Variants in WDR48 observed in about 807,000 individuals in gnomAD.
The protein encoded by WDR48 is WD repeat-containing protein 48.
Under a neutral mutation model 94.0 loss-of-function variants are expected in WDR48, and 22 were observed. That is an observed-to-expected ratio of 0.23 (90% confidence interval 0.17 to 0.33). The LOEUF (loss-of-function observed/expected upper bound fraction) is 0.33. Ranked by LOEUF, WDR48 falls within the 10% of genes least tolerant of loss-of-function variation. The pLI is 1.00. For missense variants in WDR48, 541 were observed against 813.8 expected (o/e 0.66, Z 4.08); for synonymous variants, 278 against 280.5 (o/e 0.99, Z 0.09).
intron 2 of WDR48, among the ~76,000 whole-genome samples, chr3:39,063,592 T>C (rs2033410279): frequency 6.6e-6 from 1 of 152,208 alleles, no homozygotes; most frequent in African/African-American, 2.4e-5. Context: ...AAATATTTTA[T>C]TTTCCTCACT....
intron 14 of WDR48, among the ~76,000 whole-genome samples, chr3:39,085,854 C>CTATATT (rs3033299): frequency 0.46 from 69,676 of 151,502 alleles, 20,045 homozygotes; most frequent in African/African-American, 0.82. Flanking sequence ...ATAAAATACT[C>CTATATT]TATATTCAGA....
chr3:39,074,902 C>A lies in WDR48; in HGVS notation c.849C>A (p.Asn283Lys). 20 of 1,614,220 alleles carry A rather than the reference C, an allele frequency of 1.2e-5. No homozygotes were observed. The highest frequency in any genetic ancestry group is 1.7e-5 in the Non-Finnish European group (20 of 1,180,042). ...DRKIYCTDLR[N>K]PDIRVLICEE... is the part of the protein sequence containing the mutation. ...AGATTTATTGTACAGACCTAAGAAA[C>A]CCTGACATTCGGGTGCTAATTTGTG... is the stretch of plus-strand genomic sequence containing the variant. The change falls in exon 8 of 19, where the codon AAC (asparagine) becomes AAA (lysine). Residue 283 changes from asparagine to lysine, a missense_variant. This residue lies in a region of WDR48 where 238 missense variants were observed against 285.3 expected (regional missense o/e 0.83). Transcript: ENST00000302313.
At chr3:39,058,616 T>C (rs902811445) in intron 1 of WDR48, among the ~76,000 whole-genome samples, 5 of 152,164 alleles carry the variant, frequency 3.3e-5, no homozygotes, top group Non-Finnish European at 7.4e-5. Flanking sequence ...GAAGTTGACA[T>C]TGAAGCTAGC....
At chr3:39,084,394 C>T in intron 12 of WDR48, 132 bp downstream of exon 12, 1 of 619,992 alleles carries the variant, frequency 1.6e-6, no homozygotes, top group East Asian at 3.4e-5. Flanking sequence ...ACTTAAAATG[C>T]AAAATGGAAT....
At chr3:39,057,918 C>G (rs1400421720) in intron 1 of WDR48, among the ~76,000 whole-genome samples, 1 of 152,102 alleles carries the variant, frequency 6.6e-6, no homozygotes, top group Non-Finnish European at 1.5e-5. Context: ...TGCGCCTGGC[C>G]CCTGGTTATT....
rs2035302512 is a variant in WDR48, at chr3:39,095,695, A to AT, written c.*953dup. 6.6e-6 allele frequency: 1 copy of AT among 152,444 alleles called. No homozygotes were observed. Among genetic ancestry groups the AT allele is most frequent in the Non-Finnish European group, 1.5e-5 (1 of 68,048 alleles). 9.4% of individuals were successfully genotyped at this position (152,444 alleles called of 1,614,324 possible). A position where few individuals can be genotyped will look rare whatever the true frequency, so the allele number is the denominator to read the frequency against. The stretch of plus-strand genomic sequence containing the variant: ...AATTTGATATTCATATCCTGGAAGT[A>AT]TACATATTTGTTTTTCCAAAGTTTT... On this transcript the variant is annotated 3_prime_UTR_variant, in exon 19 of 19. Coordinates refer to ENST00000302313, the MANE Select transcript of WDR48 (RefSeq NM_020839.4).
Position 39,094,084 on chromosome 3 carries a change from C to G in WDR48, c.1938+18C>G. 1 of 1,597,304 alleles carries G rather than the reference C, an allele frequency of 6.3e-7. No individual in the cohort carries two copies. The highest frequency in any genetic ancestry group is 1.8e-5 in the Admixed American group (1 of 55,740). On this transcript the variant is annotated intron_variant, in intron 18 of 18. Transcript: ENST00000302313. ...AGGACCAGGTAAGTGGACTTGAGGA[C>G]TACAGCCCCAATTTTTCCAGTGCTG... is the stretch of plus-strand genomic sequence containing the variant.
intron 1 of WDR48, among the ~76,000 whole-genome samples, chr3:39,061,168 T>C (rs2033237949): frequency 6.6e-6 from 1 of 152,210 alleles, no homozygotes; most frequent in African/African-American, 2.4e-5. Flanking sequence ...GTTACATAAG[T>C]ATACATGTGC....
At chr3:39,052,272 G>C (rs1218364490) in intron 1 of WDR48, 199 bp downstream of exon 1, 16 of 607,256 alleles carry the variant, frequency 2.6e-5, no homozygotes, top group Non-Finnish European at 4.0e-5. Context: ...TGGCCCTTGG[G>C]GCCCAGGCCC....
intron 2 of WDR48, among the ~76,000 whole-genome samples, chr3:39,064,014 C>T (rs1156981794): frequency 6.6e-6 from 1 of 152,116 alleles, no homozygotes; most frequent in Non-Finnish European, 1.5e-5. Context: ...TGCTCCCCTT[C>T]AAAGATTTCC....
At chr3:39,073,263 C>A (rs899870092) in intron 7 of WDR48, among the ~76,000 whole-genome samples, 1 of 152,176 alleles carries the variant, frequency 6.6e-6, no homozygotes, top group Non-Finnish European at 1.5e-5. Context: ...AACTTTGCTC[C>A]TGACGTTTGC....
intron 13 of WDR48, 126 bp from the exon 14 acceptor site, chr3:39,085,388 TC>T (rs1446799901): frequency 4.0e-6 from 3 of 754,074 alleles, no homozygotes; most frequent in Non-Finnish European, 6.7e-6. Flanking sequence ...ATTTTAGACA[TC>T]ATTCGCATTG....
rs114239390 is a variant in WDR48 at position 39,072,238 on chromosome 3, T to A, written c.673-2488T>A. On this transcript the variant is annotated intron_variant, in intron 7 of 18. Transcript: ENST00000302313. ...TAAAGAGATCAGCATTGCAGTTGCT[T>A]TGATTGGTGCTAACATTATTGGGCA... Among the ~76,000 whole-genome samples, 1,227 of 152,332 alleles carry A rather than the reference T, an allele frequency of 8.1e-3. 20 individuals are homozygous for A. The highest frequency in any genetic ancestry group is 0.028 in the African/African-American group (1,180 of 41,562).
At chr3:39,065,962 A>G in intron 3 of WDR48, 73 bp downstream of exon 3, 1 of 1,112,374 alleles carries the variant, frequency 9.0e-7, no homozygotes. Flanking sequence ...TTTTATTGAA[A>G]CATACATACA....
chr3:39,091,389 G>C (rs904890843), intron 16 of WDR48: 65 of 344,602 alleles, frequency 1.9e-4, no homozygotes, highest in African/African-American at 1.4e-3. Flanking sequence ...ACCTTGTACT[G>C]TTATCTAAGA....
chr3:39,080,299 A>G (rs1230695086), intron 11 of WDR48, among the ~76,000 whole-genome samples: 1 of 152,236 alleles, frequency 6.6e-6, no homozygotes, highest in African/African-American at 2.4e-5. Flanking sequence ...GATGAGACAC[A>G]CTGGAGTGCA....
intron 16 of WDR48, chr3:39,090,598 A>G (rs2035030143): frequency 6.6e-6 from 1 of 152,126 alleles, no homozygotes; most frequent in African/African-American, 2.4e-5. Flanking sequence ...GGTGTGAAGT[A>G]GGATTTAGAC....
At chr3:39,086,072 A>T (rs2370859) in intron 14 of WDR48, among the ~76,000 whole-genome samples, 21,519 of 152,040 alleles carry the variant, frequency 0.14, 1,763 homozygotes, top group African/African-American at 0.22. Context: ...CTCTGTTTCA[A>T]AAAAAAATTC....
chr3:39,072,411 T>C (rs929587674), intron 7 of WDR48, among the ~76,000 whole-genome samples: 4 of 152,342 alleles, frequency 2.6e-5, no homozygotes, highest in African/African-American at 7.2e-5. Flanking sequence ...TCCTAGCTTA[T>C]GGGTCTGAGG....
Sources: gnomAD v4.1 joint callset for allele counts (sites outside exome capture counted in the v4.1 genomes callset) on GRCh38, gnomAD v4.1.1 for gene constraint, gnomAD v4.1.1 regional missense constraint, MANE v1.5 for transcripts, NCBI Gene and HGNC (gene_info 2026-07-23, HGNC 2026-07-21) for gene names.